The following TRMT11 variants were observed in gnomAD, a reference collection of about 807,000 sequenced individuals.
TRMT11 encodes tRNA (guanine(10)-N(2))-methyltransferase TRMT11.
TRMT11 carries 53 observed loss-of-function variants against 62.8 expected under a neutral mutation model. That is an observed-to-expected ratio of 0.84 (90% CI 0.68 to 1.06). TRMT11 has a LOEUF of 1.06. TRMT11 is among the 50% of genes least tolerant of loss of function. TRMT11 has a pLI of 0.00. For synonymous variants in TRMT11, 188 were observed against 190.3 expected (o/e 0.99, Z 0.10); for missense variants, 556 against 553.4 (o/e 1.00, Z -0.05).
chr6:126,263,131 A>G, the TRMT11 span, among the ~76,000 whole-genome samples: 24 of 152,028 alleles, frequency 1.6e-4, no homozygotes, highest in African/African-American at 5.6e-4. Context: ...GAAAAGAATT[A>G]TGTTCAGCTC....
At chr6:125,988,659 A>G (rs187776980) in intron 1 of TRMT11, among the ~76,000 whole-genome samples, 146 of 152,322 alleles carry the variant, frequency 9.6e-4, no homozygotes, top group African/African-American at 3.4e-3. Flanking sequence ...TAAAACTTGA[A>G]ATAGTCATTG....
intron 17 of TRMT11, among the ~76,000 whole-genome samples, chr6:126,112,851 CT>C (rs1777547867): frequency 6.6e-6 from 1 of 151,206 alleles, no homozygotes; most frequent in African/African-American, 2.4e-5. Context: ...TTTTAGTATT[CT>C]TTTTTTATTA....
At chr6:126,153,084 C>G (rs1413810044) in intron 21 of TRMT11, among the ~76,000 whole-genome samples, 1 of 152,140 alleles carries the variant, frequency 6.6e-6, no homozygotes, top group Non-Finnish European at 1.5e-5. Context: ...TCTCAAAGAT[C>G]CACAGCATTA....
chr6:126,059,373 C>G (rs1268943472), intron 17 of TRMT11, among the ~76,000 whole-genome samples: 1 of 152,158 alleles, frequency 6.6e-6, no homozygotes, highest in Non-Finnish European at 1.5e-5. Context: ...GGGTGATCCT[C>G]CTTACTCTCC....
chr6:126,069,465 C>G (rs1318844495), intron 17 of TRMT11, among the ~76,000 whole-genome samples: 1 of 151,768 alleles, frequency 6.6e-6, no homozygotes, highest in Non-Finnish European at 1.5e-5. Flanking sequence ...TCTTTTTTTT[C>G]TTTCTTTTTC....
At chr6:126,107,598 C>T (rs1054204130) in intron 17 of TRMT11, among the ~76,000 whole-genome samples, 1 of 152,070 alleles carries the variant, frequency 6.6e-6, no homozygotes, top group Non-Finnish European at 1.5e-5. Flanking sequence ...GTGGGCTGAG[C>T]GGCTTGCACA....
intron 12 of TRMT11, among the ~76,000 whole-genome samples, chr6:126,025,883 AT>A (rs144452231): frequency 0.021 from 3,269 of 152,320 alleles, 90 homozygotes; most frequent in Admixed American, 0.066. Flanking sequence ...TATTCTCCCT[AT>A]CCCTCTTTTA....
At chr6:126,080,114 T>G (rs113954086) in intron 17 of TRMT11, among the ~76,000 whole-genome samples, 4,793 of 151,698 alleles carry the variant, frequency 0.032, 247 homozygotes, top group African/African-American at 0.11. Context: ...TGTTGTTGTT[T>G]TTTTAGAGAC....
chr6:126,241,284 G>A, the TRMT11 span, among the ~76,000 whole-genome samples: 14 of 152,144 alleles, frequency 9.2e-5, no homozygotes, highest in Non-Finnish European at 1.9e-4. Context: ...CTTCTGTGTC[G>A]CTCACGCTGG....
chr6:126,135,242 C>T (rs948909820), intron 21 of TRMT11, among the ~76,000 whole-genome samples: 1 of 151,262 alleles, frequency 6.6e-6, no homozygotes, highest in Admixed American at 6.6e-5. Context: ...AAACCTTTAG[C>T]TAGATCAACT....
the TRMT11 span, among the ~76,000 whole-genome samples, chr6:126,237,948 A>G: frequency 6.6e-6 from 1 of 152,070 alleles, no homozygotes; most frequent in Admixed American, 6.6e-5. Context: ...GGGAGGGTGT[A>G]TGTGTCGAGG....
chr6:126,029,855 G>A (rs573478084), intron 12 of TRMT11, among the ~76,000 whole-genome samples: 62 of 152,244 alleles, frequency 4.1e-4, no homozygotes, highest in Non-Finnish European at 7.1e-4. Context: ...ATACTTCTAT[G>A]TTGTCATGAT....
chr6:126,237,058 C>G, the TRMT11 span, among the ~76,000 whole-genome samples: 1 of 143,000 alleles, frequency 7.0e-6, no homozygotes, highest in African/African-American at 2.8e-5. Context: ...ACTTGACCTC[C>G]TAGAGATAGA....
chr6:126,213,685 A>G, the TRMT11 span, among the ~76,000 whole-genome samples: 1 of 152,012 alleles, frequency 6.6e-6, no homozygotes, highest in Non-Finnish European at 1.5e-5. Context: ...AGACCTTATC[A>G]TCTGCAAACA....
At chr6:126,047,672 C>T (rs1776097468) in intron 16 of TRMT11, among the ~76,000 whole-genome samples, 1 of 152,146 alleles carries the variant, frequency 6.6e-6, no homozygotes. Flanking sequence ...GCTAAAAGAC[C>T]ATTAATCGTA....
the TRMT11 span, among the ~76,000 whole-genome samples, chr6:126,215,793 TA>T: frequency 6.6e-6 from 1 of 152,014 alleles, no homozygotes; most frequent in African/African-American, 2.4e-5. Context: ...AATAATATTT[TA>T]AAACCAACTA....
intron 11 of TRMT11, among the ~76,000 whole-genome samples, chr6:126,014,391 C>G (rs1399624761): frequency 1.3e-5 from 2 of 152,122 alleles, no homozygotes; most frequent in African/African-American, 4.8e-5. Context: ...GCTGGGATTA[C>G]AGGTGCACGC....
chr6:125,998,492 G>A, intron 5 of TRMT11, 58 bp from the exon 6 acceptor site: 3 of 1,539,592 alleles, frequency 1.9e-6, no homozygotes, highest in South Asian at 1.2e-5. Flanking sequence ...TATTAGATAA[G>A]CGCCATTTTT....
intron 21 of TRMT11, among the ~76,000 whole-genome samples, chr6:126,168,911 C>T (rs1441796600): frequency 2.6e-5 from 4 of 152,218 alleles, no homozygotes; most frequent in Non-Finnish European, 4.4e-5. Context: ...ACCATTATGT[C>T]TACTTCTTTC....
Sources: allele counts gnomAD v4.1 joint callset (sites outside exome capture counted in the v4.1 genomes callset), GRCh38; gene constraint gnomAD v4.1.1; transcripts MANE v1.5; gene names NCBI Gene and HGNC (gene_info 2026-07-23, HGNC 2026-07-21).